NRXN3: variants seen among roughly 807,000 people sequenced by gnomAD.
NRXN3 encodes neurexin 3.
In NRXN3, 32 loss-of-function variants were observed where a neutral mutation model predicts 137.6. That is an observed-to-expected ratio of 0.23 (90% CI 0.18 to 0.31). The LOEUF is 0.31. Ranked by LOEUF, NRXN3 falls within the 10% of genes least tolerant of loss-of-function variation. NRXN3 has a pLI of 1.00. For synonymous variants in NRXN3, 798 were observed against 784.5 expected, an observed-to-expected ratio of 1.02 and a Z score of -0.29; for missense variants, 1,574 against 2,062.5, an observed-to-expected ratio of 0.76 and a Z score of 4.59.
intron 4 of NRXN3, among the ~76,000 whole-genome samples, chr14:78,421,367 C>A (rs7143565): frequency 1.3e-5 from 2 of 151,728 alleles, no homozygotes; most frequent in Non-Finnish European, 2.9e-5. Context: ...AATAAAATAG[C>A]GACCAGTTAA....
At chr14:78,663,629 A>T (rs1373073346) in intron 6 of NRXN3, among the ~76,000 whole-genome samples, 2 of 152,182 alleles carry the variant, frequency 1.3e-5, no homozygotes, top group Non-Finnish European at 2.9e-5. Flanking sequence ...CAAAACACCC[A>T]AATAAGGAGC....
intron 4 of NRXN3, among the ~76,000 whole-genome samples, chr14:78,622,772 T>G (rs970973415): frequency 6.6e-6 from 1 of 152,238 alleles, no homozygotes; most frequent in Non-Finnish European, 1.5e-5. Flanking sequence ...GGGAGAAACA[T>G]TCTGGATTTT....
intron 16 of NRXN3, among the ~76,000 whole-genome samples, chr14:79,659,601 G>A (rs1451233665): frequency 6.6e-6 from 1 of 152,116 alleles, no homozygotes; most frequent in African/African-American, 2.4e-5. Flanking sequence ...GAGAAAGAAG[G>A]GAGAAAGAAG....
chr14:78,627,100 TC>T (rs2097468187), intron 4 of NRXN3, among the ~76,000 whole-genome samples: 1 of 125,520 alleles, frequency 8.0e-6, no homozygotes, highest in Non-Finnish European at 1.6e-5. Context: ...CCTCCCTCCC[TC>T]CCTTCTCTCT....
chr14:79,858,082 T>G (rs2099406558), intron 20 of NRXN3, among the ~76,000 whole-genome samples: 1 of 152,148 alleles, frequency 6.6e-6, no homozygotes. Flanking sequence ...TTTTAGAAGC[T>G]CTTTATAAAT....
rs532784822 is a variant in NRXN3, at chr14:79,051,849, G to A, written c.3262+63708G>A. The stretch of plus-strand genomic sequence containing the variant: ...TGAAAACAAAACATTGCTGGAAGAC[G>A]GATATCGAACTTGACCTAAGATTTT... On this transcript the variant is annotated intron_variant, in intron 15 of 20. Coordinates refer to ENST00000335750, the MANE Select transcript of NRXN3 (RefSeq NM_001330195.2). 5.9e-5 allele frequency among the ~76,000 whole-genome samples: 9 copies of A among 152,288 alleles called. No individual in the cohort carries two copies. The South Asian group carries it at 1.7e-3, about 28-fold the overall frequency.
At chr14:79,407,787 C>T (rs12435532) in intron 15 of NRXN3, among the ~76,000 whole-genome samples, 54,173 of 151,930 alleles carry the variant, frequency 0.36, 9,979 homozygotes, top group Admixed American at 0.4. Context: ...TTAACTGCTT[C>T]GTGCCCCAGA....
intron 11 of NRXN3, among the ~76,000 whole-genome samples, chr14:78,964,246 A>T (rs1184708922): frequency 6.6e-6 from 1 of 152,234 alleles, no homozygotes; most frequent in African/African-American, 2.4e-5. Flanking sequence ...TGCAATGAGG[A>T]TGGAAGGCAA....
intron 15 of NRXN3, among the ~76,000 whole-genome samples, chr14:79,025,019 C>T (rs2152461016): frequency 6.6e-6 from 1 of 152,204 alleles, no homozygotes; most frequent in South Asian, 2.1e-4. Flanking sequence ...GATGTGACTG[C>T]CTGTAAAGCC....
intron 4 of NRXN3, among the ~76,000 whole-genome samples, chr14:78,506,326 T>G (rs2095989915): frequency 6.6e-6 from 1 of 152,196 alleles, no homozygotes; most frequent in Non-Finnish European, 1.5e-5. Flanking sequence ...ATAGTCATGC[T>G]TGGATGAAAC....
At chr14:79,243,477 C>A (rs1164738422) in intron 15 of NRXN3, among the ~76,000 whole-genome samples, 1 of 152,070 alleles carries the variant, frequency 6.6e-6, no homozygotes, top group Non-Finnish European at 1.5e-5. Context: ...GCTTTATGTG[C>A]GTTGTCATAA....
At chr14:78,779,364 T>C (rs543065183) in intron 8 of NRXN3, among the ~76,000 whole-genome samples, 2 of 152,170 alleles carry the variant, frequency 1.3e-5, no homozygotes, top group East Asian at 3.9e-4. Flanking sequence ...GAGTAGGACA[T>C]TTTTACCTCA....
chr14:79,687,652 G>A (rs2098700853), intron 17 of NRXN3, among the ~76,000 whole-genome samples: 1 of 152,178 alleles, frequency 6.6e-6, no homozygotes, highest in Non-Finnish European at 1.5e-5. Flanking sequence ...ACAGACGAAT[G>A]TTGTTAGGAT....
rs866975246 is a variant in NRXN3 at position 78,243,043 on chromosome 14, G to A, written c.-51G>A. Reference sequence around the variant, plus strand: ...ATTGCCAAAGGGAGAGATCCTCTCCGGGCTGTTCCCTGGCCTGTCTGCTCC... The same window carrying A: ...ATTGCCAAAGGGAGAGATCCTCTCCAGGCTGTTCCCTGGCCTGTCTGCTCC... On this transcript the variant is annotated 5_prime_UTR_variant, in exon 2 of 21. Transcript: ENST00000335750. The surrounding 1 kb of genome is among the most constrained non-coding windows in gnomAD (Gnocchi z 4.2). 1.0e-5 allele frequency: 14 copies of A among 1,335,458 alleles called. No individual in the cohort carries two copies. The Middle Eastern group carries it at 5.6e-4, about 53-fold the overall frequency. The allele number at this position is 1,335,458 out of a possible 1,614,324, so 82.7% of individuals were successfully genotyped here. A position where few individuals can be genotyped will look rare whatever the true frequency, so the allele number is the denominator to read the frequency against.
chr14:78,330,117 GTT>G (rs2080616842), intron 4 of NRXN3, among the ~76,000 whole-genome samples: 1 of 152,142 alleles, frequency 6.6e-6, no homozygotes, highest in African/African-American at 2.4e-5. Flanking sequence ...TAGTGACACA[GTT>G]AAACAGAGAA....
intron 15 of NRXN3, among the ~76,000 whole-genome samples, chr14:79,018,260 CAAAAAAAAAAAAAAAA>C (rs1163466834): frequency 2.6e-4 from 6 of 23,160 alleles, no homozygotes; most frequent in African/African-American, 9.8e-4. Context: ...AACTCTGTCT[CAAAAAAAAAAAAAAAA>C]AAAAAAAAAA....
chr14:79,667,674 G>T (rs958481901), intron 17 of NRXN3, among the ~76,000 whole-genome samples: 2 of 152,084 alleles, frequency 1.3e-5, no homozygotes, highest in African/African-American at 4.8e-5. Context: ...AAATAGAAAA[G>T]CTAAGAAACA....
chr14:79,157,940 A>G (rs2060406252), intron 15 of NRXN3, among the ~76,000 whole-genome samples: 1 of 151,760 alleles, frequency 6.6e-6, no homozygotes, highest in Non-Finnish European at 1.5e-5. Flanking sequence ...CTGTTTGCAT[A>G]TTGTTTTTTT....
At chr14:78,497,894 T>C (rs917956450) in intron 4 of NRXN3, among the ~76,000 whole-genome samples, 3 of 152,156 alleles carry the variant, frequency 2.0e-5, no homozygotes, top group African/African-American at 7.2e-5. Context: ...GATCACAAAG[T>C]TAATTAATTC....
Sources: gnomAD v4.1 joint callset for allele counts (sites outside exome capture counted in the v4.1 genomes callset) on GRCh38, gnomAD v4.1.1 for gene constraint, Gnocchi (gnomAD v3.1) non-coding constraint, MANE v1.5 for transcripts, NCBI Gene and HGNC (gene_info 2026-07-23, HGNC 2026-07-21) for gene names.